Variants in KDM2B observed in about 807,000 individuals in gnomAD.
KDM2B encodes the protein lysine-specific demethylase 2B.
A neutral mutation model predicts 150.0 loss-of-function variants in KDM2B; 26 were observed. That is an observed-to-expected ratio of 0.17 (90% CI 0.13 to 0.24). KDM2B has a LOEUF of 0.24. KDM2B is among the 10% of genes least tolerant of loss of function. The pLI is 1.00. For missense variants in KDM2B, 1,265 were observed against 1,816.9 expected, an observed-to-expected ratio of 0.70 and a Z score of 5.52; for synonymous variants, 734 against 729.5, an observed-to-expected ratio of 1.01 and a Z score of -0.10.
chr12:121,484,193 C>T (rs1882481899), intron 12 of KDM2B, among the ~76,000 whole-genome samples: 1 of 152,138 alleles, frequency 6.6e-6, no homozygotes, highest in South Asian at 2.1e-4. Flanking sequence ...CAAAGAAGCC[C>T]CTTGCAGCAG....
At chr12:121,516,781 G>A in intron 9 of KDM2B, 1 of 652,450 alleles carries the variant, frequency 1.5e-6, no homozygotes, top group South Asian at 1.7e-5. Context: ...TTTCTCGAGT[G>A]TATCTAGAAC....
At chr12:121,441,296 C>T in intron 19 of KDM2B, 63 bp from the exon 20 acceptor site, 2 of 1,512,150 alleles carry the variant, frequency 1.3e-6, no homozygotes, top group Non-Finnish European at 1.8e-6. Flanking sequence ...AGCCCACACA[C>T]AGCTCTTAAC....
chr12:121,516,314 G>T (rs988956186), intron 9 of KDM2B: 1 of 378,738 alleles, frequency 2.6e-6, no homozygotes, highest in Non-Finnish European at 4.8e-6. Flanking sequence ...CTTCAGGAGG[G>T]AAAGATAAGT....
At chr12:121,460,733 A>T (rs1475875632) in intron 12 of KDM2B, among the ~76,000 whole-genome samples, 2 of 152,098 alleles carry the variant, frequency 1.3e-5, no homozygotes, top group African/African-American at 2.4e-5. Context: ...CTTAAGTGCT[A>T]GTCATTCATC....
chr12:121,493,144 G>A (rs1487670714), intron 12 of KDM2B, among the ~76,000 whole-genome samples: 6 of 143,932 alleles, frequency 4.2e-5, no homozygotes, highest in African/African-American at 1.6e-4. Flanking sequence ...CTGGGCTCAG[G>A]TGATCCTCCC....
Position 121,533,052 on chromosome 12 carries a change from G to A in KDM2B, c.778-93C>T, listed in dbSNP as rs1158012187. On this transcript the variant is annotated intron_variant, in intron 7 of 22. Transcript: ENST00000377071. The surrounding 1 kb of genome is among the most constrained non-coding windows in gnomAD (Gnocchi z 4.1). ...CCTGCCTGGCGGAAGGGGAGGGGGC[G>A]AGACAAGCTGTGTGTGGGGTGGGGG... The A allele has an allele frequency of 1.4e-5, 18 of 1,307,472 alleles. No homozygotes were observed. Among genetic ancestry groups the A allele is most frequent in the East Asian group, 2.4e-5 (1 of 42,514 alleles). 81.0% of individuals were successfully genotyped at this position (1,307,472 alleles called of 1,614,324 possible). A position where few individuals can be genotyped will look rare whatever the true frequency, so the allele number is the denominator to read the frequency against.
At chr12:121,550,886 T>C (rs1889434212) in intron 4 of KDM2B, among the ~76,000 whole-genome samples, 2 of 152,192 alleles carry the variant, frequency 1.3e-5, no homozygotes, top group South Asian at 4.1e-4. Flanking sequence ...AATACTATTT[T>C]GTGATATGAA....
intron 4 of KDM2B, among the ~76,000 whole-genome samples, chr12:121,552,156 T>C (rs1339803570): frequency 1.3e-5 from 2 of 152,172 alleles, no homozygotes; most frequent in African/African-American, 4.8e-5. Flanking sequence ...ACATATATTA[T>C]CTTGTGTTAG....
chr12:121,484,950 G>C (rs559343597), intron 12 of KDM2B, among the ~76,000 whole-genome samples: 5 of 152,258 alleles, frequency 3.3e-5, no homozygotes, highest in Admixed American at 2.0e-4. Context: ...CGAGCCCCTA[G>C]CACCCATATG....
chr12:121,444,986 G>C lies in KDM2B; in HGVS notation c.2103+289C>G, dbSNP rs868936103. 6.5e-5 allele frequency: 29 copies of C among 443,772 alleles called. 1 individual carries two copies. The South Asian group carries it at 7.7e-4, about 12-fold the overall frequency. 27.5% of individuals were successfully genotyped at this position (443,772 alleles called of 1,614,324 possible). ...ACCTGGAGGCGCTTCCTCTGGCCCA[G>C]CTACAAACAAGCAGCCTGTGTTTGC... On this transcript the variant is annotated intron_variant, in intron 14 of 22. Transcript: ENST00000377071.
At chr12:121,540,215 C>A (rs1888495685) in intron 6 of KDM2B, among the ~76,000 whole-genome samples, 1 of 152,142 alleles carries the variant, frequency 6.6e-6, no homozygotes, top group Non-Finnish European at 1.5e-5. Context: ...CTTTGTTCCT[C>A]TTTTAAAGGT....
chr12:121,564,840 T>A (rs1312338636), intron 4 of KDM2B, among the ~76,000 whole-genome samples: 1 of 151,922 alleles, frequency 6.6e-6, no homozygotes, highest in Non-Finnish European at 1.5e-5. Context: ...CTTTTTCTTA[T>A]TTTTTTGAGA....
Position 121,537,864 on chromosome 12 carries a change from G to C in KDM2B, c.684-3274C>G, listed in dbSNP as rs1276929380. Reference sequence around the variant, plus strand: ...GGGAGGCCACCCACACCCGCCCCGCGCAGCGCCACAAAGGAGGGGGCGCCC... The same window carrying C: ...GGGAGGCCACCCACACCCGCCCCGCCCAGCGCCACAAAGGAGGGGGCGCCC... On this transcript the variant is annotated intron_variant, in intron 6 of 22. Coordinates refer to ENST00000377071, the MANE Select transcript of KDM2B (RefSeq NM_032590.5). This position sits in a 1 kb window ranked among gnomAD's most constrained non-coding sequence, Gnocchi z 8.7. Among the ~76,000 whole-genome samples, 2 of 151,648 alleles carry C rather than the reference G, an allele frequency of 1.3e-5. No homozygotes were observed. Among genetic ancestry groups the C allele is most frequent in the African/African-American group, 4.8e-5 (2 of 41,342 alleles).
At position 121,549,072 on chromosome 12, in the gene KDM2B, C is replaced by G; in HGVS notation, c.577-89G>C. 9.5e-7 allele frequency: 1 copy of G among 1,047,984 alleles called. No homozygotes were observed. The highest frequency in any genetic ancestry group is 1.4e-6 in the Non-Finnish European group (1 of 689,958). 64.9% of individuals were successfully genotyped at this position (1,047,984 alleles called of 1,614,324 possible). On this transcript the variant is annotated intron_variant, in intron 5 of 22. Transcript: ENST00000377071. This position sits in a 1 kb window ranked among gnomAD's most constrained non-coding sequence, Gnocchi z 4.4. Reference sequence around the variant, plus strand: ...TTCCCCGGAGAGTCCTTGGGCCCCCCCGCTCCCCCAATCTACTGTGGGCTC... The same window carrying G: ...TTCCCCGGAGAGTCCTTGGGCCCCCGCGCTCCCCCAATCTACTGTGGGCTC...
intron 9 of KDM2B, among the ~76,000 whole-genome samples, chr12:121,514,208 GGC>G (rs1219404430): frequency 2.0e-5 from 3 of 152,088 alleles, no homozygotes; most frequent in African/African-American, 7.2e-5. Flanking sequence ...CGACCTCCTG[GGC>G]TCAAGCGACC....
intron 4 of KDM2B, among the ~76,000 whole-genome samples, chr12:121,552,905 C>T (rs1160909327): frequency 6.6e-6 from 1 of 152,050 alleles, no homozygotes; most frequent in African/African-American, 2.4e-5. Flanking sequence ...TCAGATTTTC[C>T]AGGAGGCCCA....
chr12:121,426,660 C>G (rs1872530212), downstream of KDM2B, among the ~76,000 whole-genome samples: 1 of 128,950 alleles, frequency 7.8e-6, no homozygotes, highest in African/African-American at 2.9e-5. Context: ...GAGTCTTGCT[C>G]TGTTGCCCAG....
rs187537087 is a variant in KDM2B at position 121,449,308 on chromosome 12, G to A, written c.1959+3812C>T. ...AGCCCCAGCGACGGAGCAAAGGGAG[G>A]GTCCAGAAAAGGAAGATAGGTGGGG... On this transcript the variant is annotated intron_variant, in intron 13 of 22. Transcript: ENST00000377071. Among the ~76,000 whole-genome samples, 600 of 152,146 alleles carry A rather than the reference G, an allele frequency of 3.9e-3. 4 individuals carry two copies. Among genetic ancestry groups the A allele is most frequent in the Non-Finnish European group, 6.6e-3 (449 of 67,998 alleles).
intron 12 of KDM2B, among the ~76,000 whole-genome samples, chr12:121,491,408 T>A (rs1883332288): frequency 6.6e-6 from 1 of 152,176 alleles, no homozygotes; most frequent in Non-Finnish European, 1.5e-5. Context: ...TCATTTATTT[T>A]CAGGGCTCGG....
Sources: allele counts gnomAD v4.1 joint callset (sites outside exome capture counted in the v4.1 genomes callset), GRCh38; gene constraint gnomAD v4.1.1; non-coding constraint Gnocchi (gnomAD v3.1); transcripts MANE v1.5; gene names NCBI Gene and HGNC (gene_info 2026-07-23, HGNC 2026-07-21).